Variants in AJAP1 observed in about 807,000 individuals in gnomAD.
AJAP1 encodes adherens junction-associated protein 1.
AJAP1 carries 5 observed loss-of-function variants against 35.0 expected under a neutral mutation model. The ratio of observed to expected loss-of-function variants is 0.14; its 90% CI spans 0.07 to 0.30. AJAP1 has a LOEUF of 0.30. AJAP1 is among the 10% of genes least tolerant of loss of function. The pLI is 1.00. For missense variants in AJAP1, 586 were observed against 571.0 expected (o/e 1.03, Z -0.27); for synonymous variants, 284 against 249.3 (o/e 1.14, Z -1.31).
At chr1:4,727,932 G>A (rs1640706660) in intron 2 of AJAP1, among the ~76,000 whole-genome samples, 1 of 152,232 alleles carries the variant, frequency 6.6e-6, no homozygotes, top group Non-Finnish European at 1.5e-5. Context: ...GCTTGCAGGT[G>A]ATTGCAGATG....
In AJAP1 at chr1:4,787,728, C is replaced by T; in HGVS notation, c.*5243C>T. On this transcript the variant is annotated 3_prime_UTR_variant, in exon 6 of 6. Coordinates refer to ENST00000378191, the MANE Select transcript of AJAP1 (RefSeq NM_018836.4). ...TCAGGTTGCCAGGCCAAGCAGGTCT[C>T]AGGTCAGCCAGGTCTCAAGGAGGAT... 2.2e-6 allele frequency: 1 copy of T among 456,118 alleles called. No homozygotes were observed. Among genetic ancestry groups the T allele is most frequent in the South Asian group, 1.5e-5 (1 of 64,544 alleles). The allele number at this position is 456,118 out of a possible 1,614,324, so 28.3% of individuals were successfully genotyped here.
chr1:4,755,004 G>C (rs1010392803), intron 2 of AJAP1, among the ~76,000 whole-genome samples: 1 of 152,156 alleles, frequency 6.6e-6, no homozygotes, highest in Non-Finnish European at 1.5e-5. Flanking sequence ...GGCCCACCAG[G>C]TGTCTCTGCC....
intron 2 of AJAP1, among the ~76,000 whole-genome samples, chr1:4,754,579 G>A (rs1264842882): frequency 6.6e-6 from 1 of 152,228 alleles, no homozygotes; most frequent in South Asian, 2.1e-4. Flanking sequence ...CTTTGAGGAT[G>A]AGAGGACAAC....
rs1026401666 is a variant in AJAP1 at position 4,783,650 on chromosome 1, C to G, written c.*1165C>G. On this transcript the variant is annotated 3_prime_UTR_variant, in exon 6 of 6. Coordinates refer to ENST00000378191, the MANE Select transcript of AJAP1 (RefSeq NM_018836.4). ...GAAGATGCTACCTAACAGCCACGTT[C>G]ACATTTACGTAGCTGGTTGCTTACA... is the stretch of plus-strand genomic sequence containing the variant. 4.0e-5 allele frequency: 6 copies of G among 150,226 alleles called. No homozygotes were observed. The highest frequency in any genetic ancestry group is 1.5e-4 in the African/African-American group (6 of 40,736). 9.3% of individuals were successfully genotyped at this position (150,226 alleles called of 1,614,324 possible). A position where few individuals can be genotyped will look rare whatever the true frequency, so the allele number is the denominator to read the frequency against.
chr1:4,657,827 T>C (rs567464571), intron 1 of AJAP1, among the ~76,000 whole-genome samples: 139 of 152,074 alleles, frequency 9.1e-4, no homozygotes, highest in African/African-American at 3.1e-3. Flanking sequence ...TTTTTTTTTT[T>C]CTTTTCCCCC....
chr1:4,658,650 C>T (rs1638935260), intron 1 of AJAP1, among the ~76,000 whole-genome samples: 2 of 152,276 alleles, frequency 1.3e-5, no homozygotes, highest in South Asian at 2.1e-4. Context: ...TGGGCAACAT[C>T]GGTACATACC....
intron 1 of AJAP1, among the ~76,000 whole-genome samples, chr1:4,670,343 G>A (rs1639225016): frequency 6.6e-6 from 1 of 152,190 alleles, no homozygotes; most frequent in African/African-American, 2.4e-5. Flanking sequence ...GTGGATTAAA[G>A]CAATTGCCCC....
chr1:4,782,847 G>A lies in AJAP1; in HGVS notation c.*362G>A, dbSNP rs987919261. 5.0e-6 allele frequency: 2 copies of A among 398,486 alleles called. No homozygotes were observed. Among genetic ancestry groups the A allele is most frequent in the South Asian group, 1.3e-4 (1 of 7,862 alleles). 24.7% of individuals were successfully genotyped at this position (398,486 alleles called of 1,614,324 possible). A position where few individuals can be genotyped will look rare whatever the true frequency, so the allele number is the denominator to read the frequency against. On this transcript the variant is annotated 3_prime_UTR_variant, in exon 6 of 6. Coordinates refer to ENST00000378191, the MANE Select transcript of AJAP1 (RefSeq NM_018836.4). The surrounding 1 kb of genome is among the most constrained non-coding windows in gnomAD (Gnocchi z 5.3). ...GACGGGAGGAAGCATCCGAAACCTAGGATTCGTCCTACGATTCTGAACCTG... is the reference window on the plus strand; with the variant it reads ...GACGGGAGGAAGCATCCGAAACCTAAGATTCGTCCTACGATTCTGAACCTG...
intron 2 of AJAP1, among the ~76,000 whole-genome samples, chr1:4,756,318 C>T (rs1272048741): frequency 2.6e-5 from 4 of 152,192 alleles, no homozygotes; most frequent in African/African-American, 7.2e-5. Context: ...ATGTCCGCAC[C>T]GTGGCATCCC....
chr1:4,787,651 C>T lies in AJAP1; in HGVS notation c.*5166C>T, dbSNP rs1294551681. 2.2e-6 allele frequency: 1 copy of T among 456,048 alleles called. No individual in the cohort carries two copies. Among genetic ancestry groups the T allele is most frequent in the Admixed American group, 2.4e-5 (1 of 42,546 alleles). 28.3% of individuals were successfully genotyped at this position (456,048 alleles called of 1,614,324 possible). A position where few individuals can be genotyped will look rare whatever the true frequency, so the allele number is the denominator to read the frequency against. On this transcript the variant is annotated 3_prime_UTR_variant, in exon 6 of 6. Transcript: ENST00000378191. ...GCTGCTGCCCTGGTGATGAGCTTGC[C>T]CCATCCCTGGGCACTGGCTCTGCCC...
chr1:4,755,826 G>A (rs1641417452), intron 2 of AJAP1, among the ~76,000 whole-genome samples: 1 of 150,776 alleles, frequency 6.6e-6, no homozygotes, highest in Admixed American at 6.6e-5. Context: ...GTGGTGGGGG[G>A]ATTAAAAACG....
chr1:4,690,778 C>T (rs1468200643), intron 1 of AJAP1, among the ~76,000 whole-genome samples: 1 of 152,220 alleles, frequency 6.6e-6, no homozygotes, highest in Non-Finnish European at 1.5e-5. Context: ...CACTCAGGTC[C>T]TGGGACCATT....
intron 2 of AJAP1, among the ~76,000 whole-genome samples, chr1:4,716,930 C>G (rs1224633598): frequency 6.6e-6 from 1 of 151,902 alleles, no homozygotes; most frequent in Non-Finnish European, 1.5e-5. Flanking sequence ...AGCCAAGAAC[C>G]TCTTGGGATG....
At chr1:4,710,814 A>G (rs2100263189) in intron 1 of AJAP1, among the ~76,000 whole-genome samples, 1 of 152,324 alleles carries the variant, frequency 6.6e-6, no homozygotes, top group East Asian at 1.9e-4. Flanking sequence ...GAGCCCTTCC[A>G]CGTGGCTCTC....
chr1:4,781,285 C>T (rs1642058410), intron 5 of AJAP1, among the ~76,000 whole-genome samples: 1 of 152,156 alleles, frequency 6.6e-6, no homozygotes, highest in Non-Finnish European at 1.5e-5. Context: ...AAAGCCGCAC[C>T]CTTGTCTTTG....
At chr1:4,740,785 CA>C (rs34897087) in intron 2 of AJAP1, among the ~76,000 whole-genome samples, 11,491 of 66,594 alleles carry the variant, frequency 0.17, 291 homozygotes, top group African/African-American at 0.28. Context: ...GACTCCGTCT[CA>C]AAAAAAAAAA....
At chr1:4,704,172 T>TA (rs919044532) in intron 1 of AJAP1, among the ~76,000 whole-genome samples, 3 of 151,338 alleles carry the variant, frequency 2.0e-5, no homozygotes, top group Non-Finnish European at 3.0e-5. Context: ...TTTTTTTTTT[T>TA]ATACTTTAAG....
chr1:4,701,128 C>T (rs1018692995), intron 1 of AJAP1, among the ~76,000 whole-genome samples: 2 of 152,240 alleles, frequency 1.3e-5, no homozygotes, highest in Non-Finnish European at 2.9e-5. Flanking sequence ...CGAAGGCTGT[C>T]GAGCAACATC....
At chr1:4,770,024 T>C in intron 3 of AJAP1, 84 bp downstream of exon 3, 4 of 1,223,152 alleles carry the variant, frequency 3.3e-6, no homozygotes, top group Non-Finnish European at 4.8e-6. Flanking sequence ...CCCCTACTTT[T>C]CAAAGCCAGC....
Sources: gnomAD v4.1 joint callset for allele counts (sites outside exome capture counted in the v4.1 genomes callset) on GRCh38, gnomAD v4.1.1 for gene constraint, Gnocchi (gnomAD v3.1) non-coding constraint, MANE v1.5 for transcripts, NCBI Gene and HGNC (gene_info 2026-07-23, HGNC 2026-07-21) for gene names.